Variants in ERMP1 observed in about 807,000 individuals in gnomAD.
ERMP1 encodes the protein Felix-ina.
A neutral mutation model predicts 92.0 loss-of-function variants in ERMP1; 86 were observed. That is an observed-to-expected ratio of 0.93 (90% CI 0.79 to 1.12). The LOEUF (loss-of-function observed/expected upper bound fraction) is 1.12, where lower values mean the gene tolerates loss of function less well. ERMP1 is among the 50% of genes most tolerant of loss of function. The pLI is 0.00. For synonymous variants in ERMP1, 530 were observed against 412.8 expected (o/e 1.28, Z -3.44); for missense variants, 1,342 against 1,116.3 (o/e 1.20, Z -2.88).
At chr9:5,834,701 ATATGTGTGTGTGTG>A (rs1341242744), upstream of ERMP1, among the ~76,000 whole-genome samples, 1 of 62,810 alleles carries the variant, frequency 1.6e-5, no homozygotes, top group African/African-American at 4.1e-5. Flanking sequence ...ATGTATGTAT[ATATGTGTGTGTGTG>A]TGTGTGTGTG....
At chr9:5,841,975 T>C (rs1830169562) in intron 6 of ERMP1, among the ~76,000 whole-genome samples, 1 of 152,188 alleles carries the variant, frequency 6.6e-6, no homozygotes, top group Admixed American at 6.5e-5. Flanking sequence ...AGTTGTTTTT[T>C]CCTCCTGGTG....
intron 1 of ERMP1, 50 bp from the exon 2 acceptor site, chr9:5,831,078 T>C (rs376186116): frequency 5.0e-5 from 74 of 1,493,630 alleles, no homozygotes; most frequent in African/African-American, 1.9e-4. Context: ...AATTGACACT[T>C]AGCGTGGGTA....
At chr9:5,798,145 T>A (rs1221404096) in intron 12 of ERMP1, among the ~76,000 whole-genome samples, 1 of 152,224 alleles carries the variant, frequency 6.6e-6, no homozygotes, top group Non-Finnish European at 1.5e-5. Context: ...TGATCTTGAT[T>A]CCACCACCCA....
In ERMP1 at chr9:5,832,649, A is replaced by C. The variant is rs1829994921; in HGVS notation, c.338+41T>G. 4 of 1,356,582 alleles carry C rather than the reference A, an allele frequency of 2.9e-6. No homozygotes were observed. In the African/African-American group the frequency reaches 4.6e-5, roughly 16 times the overall value. The allele number at this position is 1,356,582 out of a possible 1,614,324, so 84.0% of individuals were successfully genotyped here. A position where few individuals can be genotyped will look rare whatever the true frequency, so the allele number is the denominator to read the frequency against. On this transcript the variant is annotated intron_variant, in intron 1 of 14. Coordinates refer to ENST00000339450, the MANE Select transcript of ERMP1 (RefSeq NM_024896.3). ...GCCCCGGAGCCTGCGCAGGAGCCGC[A>C]AACGGACGCGCGGGCCGTGCCAGGA...
chr9:5,860,297 A>T (rs950794255), intron 5 of ERMP1, among the ~76,000 whole-genome samples: 2 of 152,008 alleles, frequency 1.3e-5, no homozygotes, highest in Non-Finnish European at 2.9e-5. Flanking sequence ...TTCCAAAAAA[A>T]AAAAAAAGAA....
At chr9:5,865,804 C>T (rs1038103760) in intron 5 of ERMP1, among the ~76,000 whole-genome samples, 1 of 141,768 alleles carries the variant, frequency 7.1e-6, no homozygotes, top group Non-Finnish European at 1.5e-5. Context: ...TGCCACTGTA[C>T]TCCAGCCCGG....
chr9:5,787,647 A>T, intron 13 of ERMP1, 54 bp from the exon 14 acceptor site: 2 of 1,543,358 alleles, frequency 1.3e-6, no homozygotes, highest in Non-Finnish European at 1.8e-6. Context: ...GATCAAAAAA[A>T]TAACCCACAA....
chr9:5,803,781 C>A (rs1171102021), intron 10 of ERMP1, among the ~76,000 whole-genome samples: 1 of 152,154 alleles, frequency 6.6e-6, no homozygotes, highest in East Asian at 1.9e-4. Flanking sequence ...CATTTTAGAA[C>A]TTTTCATACA....
At chr9:5,859,764 A>T (rs1830436021) in intron 5 of ERMP1, among the ~76,000 whole-genome samples, 2 of 152,210 alleles carry the variant, frequency 1.3e-5, no homozygotes, top group African/African-American at 4.8e-5. Context: ...CACATAGTTG[A>T]TGCTTACTAC....
chr9:5,802,416 G>A (rs148837174), intron 10 of ERMP1, among the ~76,000 whole-genome samples: 117 of 152,162 alleles, frequency 7.7e-4, no homozygotes, highest in African/African-American at 2.6e-3. Flanking sequence ...ACAGAGTCTC[G>A]CTCTGTCACC....
chr9:5,807,993 TA>T (rs1034830169), intron 8 of ERMP1, among the ~76,000 whole-genome samples: 4 of 151,568 alleles, frequency 2.6e-5, no homozygotes, highest in Admixed American at 6.6e-5. Context: ...TTGTTTTTTT[TA>T]AAAAAAAATA....
In ERMP1 at chr9:5,787,739, G is replaced by C. The variant is rs1357462625; in HGVS notation, c.2387-146C>G. ...AAACCTAATGGAGGTTTACCAGTTT[G>C]GACACTTAGTGTGAATCAACAAGGT... On this transcript the variant is annotated intron_variant, in intron 13 of 14. Transcript: ENST00000339450. 4 of 726,070 alleles carry C rather than the reference G, an allele frequency of 5.5e-6. No homozygotes were observed. The East Asian group carries it at 1.1e-4, about 20-fold the overall frequency. 45.0% of individuals were successfully genotyped at this position (726,070 alleles called of 1,614,324 possible). A position where few individuals can be genotyped will look rare whatever the true frequency, so the allele number is the denominator to read the frequency against.
At chr9:5,805,502 C>G (rs933408100) in intron 9 of ERMP1, 109 bp downstream of exon 9, 1 of 973,618 alleles carries the variant, frequency 1.0e-6, no homozygotes. Context: ...CTTTTAAAAA[C>G]TAACAATTTA....
At chr9:5,792,174 A>T (rs962168311) in intron 13 of ERMP1, among the ~76,000 whole-genome samples, 2 of 152,214 alleles carry the variant, frequency 1.3e-5, no homozygotes, top group African/African-American at 4.8e-5. Context: ...AAATATACAC[A>T]AAGTCCAGAC....
intron 4 of ERMP1, among the ~76,000 whole-genome samples, chr9:5,817,128 G>C (rs911956450): frequency 6.6e-6 from 1 of 152,038 alleles, no homozygotes; most frequent in Non-Finnish European, 1.5e-5. Flanking sequence ...TCGATCTCCT[G>C]ACCTCGTGAT....
chr9:5,787,577 G>C lies in ERMP1; in HGVS notation c.2403C>G (p.Ser801=). 1 of 1,612,974 alleles carries C rather than the reference G, an allele frequency of 6.2e-7. No homozygotes were observed. Among genetic ancestry groups the C allele is most frequent in the South Asian group, 1.1e-5 (1 of 90,974 alleles). The change falls in exon 14 of 15, where the codon TCC becomes TCG. Residue 801 remains serine, a synonymous_variant. Coordinates refer to ENST00000339450, the MANE Select transcript of ERMP1 (RefSeq NM_024896.3). ...ACCCTTTGTGGGCTCGAACATAGAA[G>C]GACATATGGCTTGGTCCTGTAAGGT... ...TFEATGPSHM[S]FYVRAHKGST... is the part of the protein sequence containing the mutation.
intron 5 of ERMP1, among the ~76,000 whole-genome samples, chr9:5,866,649 A>G (rs907326422): frequency 1.3e-5 from 2 of 152,218 alleles, no homozygotes; most frequent in Admixed American, 6.5e-5. Context: ...CCTGTAATCA[A>G]ATTTGAACAG....
At chr9:5,836,886 G>A (rs1379913686), upstream of ERMP1, among the ~76,000 whole-genome samples, 1 of 152,102 alleles carries the variant, frequency 6.6e-6, no homozygotes, top group African/African-American at 2.4e-5. Flanking sequence ...TGAGCTTAAC[G>A]GGCCTTGGAG....
chr9:5,811,082 T>C (rs1340608129), intron 7 of ERMP1, 29 bp downstream of exon 7: 5 of 1,489,192 alleles, frequency 3.4e-6, no homozygotes, highest in Non-Finnish European at 4.7e-6. Flanking sequence ...GCAATGCCAG[T>C]ATTTGTAGTT....
Sources: gnomAD v4.1 joint callset for allele counts (sites outside exome capture counted in the v4.1 genomes callset) on GRCh38, gnomAD v4.1.1 for gene constraint, MANE v1.5 for transcripts, NCBI Gene and HGNC (gene_info 2026-07-23, HGNC 2026-07-21) for gene names.